FOCAD: variants seen among roughly 807,000 people sequenced by gnomAD.
The protein encoded by FOCAD is focadhesin.
FOCAD carries 198 observed loss-of-function variants against 225.6 expected under a neutral mutation model. The ratio of observed to expected loss-of-function variants is 0.88; its 90% CI spans 0.78 to 0.99. The LOEUF (loss-of-function observed/expected upper bound fraction) is 0.99, where lower values mean the gene tolerates loss of function less well. Among genes scored for constraint, FOCAD ranks in the 50% least tolerant of loss-of-function variants. The pLI, the probability that FOCAD is intolerant of heterozygous loss-of-function variation, is 0.00. For missense variants in FOCAD, 2,713 were observed against 2,123.6 expected, an observed-to-expected ratio of 1.28 and a Z score of -5.46; for synonymous variants, 897 against 755.0, an observed-to-expected ratio of 1.19 and a Z score of -3.08.
At chr9:20,687,403 G>A (rs1192570190) in intron 1 of FOCAD, among the ~76,000 whole-genome samples, 4 of 152,296 alleles carry the variant, frequency 2.6e-5, no homozygotes, top group African/African-American at 9.6e-5. Flanking sequence ...AATTGTGGGT[G>A]TTGTAACTGT....
intron 11 of FOCAD, among the ~76,000 whole-genome samples, chr9:20,815,137 G>GTTTTTTTTTGTTTTTTTTTTTTTT (rs1823565046): frequency 1.4e-5 from 1 of 69,116 alleles, no homozygotes; most frequent in African/African-American, 6.0e-5. Context: ...TTTTTTTTTT[G>GTTTTTTTTTGTTTTTTTTTTTTTT]TTTTTTTTTT....
chr9:20,982,073 C>A (rs1840749153), intron 38 of FOCAD, among the ~76,000 whole-genome samples: 1 of 152,040 alleles, frequency 6.6e-6, no homozygotes, highest in Admixed American at 6.6e-5. Context: ...CCCCAAAAGA[C>A]CTCTGAATTG....
At chr9:20,756,202 A>G (rs559534303) in intron 5 of FOCAD, among the ~76,000 whole-genome samples, 1 of 152,074 alleles carries the variant, frequency 6.6e-6, no homozygotes, top group Non-Finnish European at 1.5e-5. Flanking sequence ...TCCCTTAGCA[A>G]TGGTAGCATT....
chr9:20,911,430 T>C (rs1273306129), intron 22 of FOCAD, among the ~76,000 whole-genome samples: 1 of 152,162 alleles, frequency 6.6e-6, no homozygotes, highest in African/African-American at 2.4e-5. Flanking sequence ...CAAGGACATA[T>C]AACTTTATAG....
chr9:20,925,403 CCACCCCAACA>C (rs1244860918), intron 25 of FOCAD, among the ~76,000 whole-genome samples: 3 of 152,294 alleles, frequency 2.0e-5, no homozygotes, highest in East Asian at 3.9e-4. Flanking sequence ...ACTTTCTCCT[CCACCCCAACA>C]CACCCCAACA....
At chr9:20,846,201 AG>A (rs1827092366) in intron 15 of FOCAD, among the ~76,000 whole-genome samples, 1 of 152,142 alleles carries the variant, frequency 6.6e-6, no homozygotes, top group South Asian at 2.1e-4. Flanking sequence ...TAGGTTTCTG[AG>A]GGCTGAAACT....
chr9:20,808,888 C>T (rs1448922798), intron 11 of FOCAD, among the ~76,000 whole-genome samples: 2 of 152,084 alleles, frequency 1.3e-5, no homozygotes, highest in African/African-American at 2.4e-5. Flanking sequence ...AGTAAAATAA[C>T]ATTTTATTTT....
chr9:20,869,245 A>G (rs543061800), intron 18 of FOCAD, among the ~76,000 whole-genome samples: 13 of 152,150 alleles, frequency 8.5e-5, no homozygotes, highest in Middle Eastern at 3.4e-3. Flanking sequence ...AAGGTTACCT[A>G]TTTTTCCAGT....
chr9:20,944,725 T>A lies in FOCAD; in HGVS notation c.3506T>A (p.Leu1169Gln), dbSNP rs774725502. ...CACGTAGCAGCATTGCTCCGGAAGC[T>A]GTCTGCGCACGTAGATGACAGCGGG... ...RVHVAALLRK[L>Q]SAHVDDSGSQ... The change falls in exon 29 of 44, where the codon CTG becomes CAG. Residue 1169 changes from leucine to glutamine, a missense_variant. By Grantham distance (113) the Leu-to-Gln change is moderately radical. Transcript: ENST00000338382. 6.2e-7 allele frequency: 1 copy of A among 1,614,070 alleles called. No homozygotes were observed. The highest frequency in any genetic ancestry group is 2.2e-5 in the East Asian group (1 of 44,864).
At chr9:20,968,642 A>G (rs1334402756) in intron 35 of FOCAD, among the ~76,000 whole-genome samples, 1 of 151,756 alleles carries the variant, frequency 6.6e-6, no homozygotes, top group Non-Finnish European at 1.5e-5. Context: ...GGGTTTGACC[A>G]TGCTGTCTAG....
intron 6 of FOCAD, among the ~76,000 whole-genome samples, chr9:20,762,521 T>C (rs576665204): frequency 1.3e-4 from 20 of 152,336 alleles, no homozygotes; most frequent in South Asian, 4.1e-4. Flanking sequence ...TTTTACCAAG[T>C]GAATAAATTA....
intron 28 of FOCAD, among the ~76,000 whole-genome samples, chr9:20,936,075 G>A (rs1405896004): frequency 1.3e-5 from 2 of 149,898 alleles, no homozygotes; most frequent in African/African-American, 2.4e-5. Context: ...TTAGGCTTTC[G>A]GAAATACTGA....
intron 39 of FOCAD, among the ~76,000 whole-genome samples, chr9:20,985,879 C>T (rs1031663075): frequency 6.6e-6 from 1 of 152,176 alleles, no homozygotes; most frequent in Non-Finnish European, 1.5e-5. Flanking sequence ...TTTGACCTCA[C>T]AGAACCTCTT....
At chr9:20,872,000 G>C (rs1339735760) in intron 18 of FOCAD, among the ~76,000 whole-genome samples, 2 of 151,672 alleles carry the variant, frequency 1.3e-5, no homozygotes, top group Non-Finnish European at 2.9e-5. Flanking sequence ...AATAATAAGT[G>C]CTAATTTGTC....
intron 11 of FOCAD, among the ~76,000 whole-genome samples, chr9:20,793,772 G>C (rs139089067): frequency 1.2e-4 from 18 of 152,256 alleles, no homozygotes; most frequent in African/African-American, 4.3e-4. Context: ...TGTTGTTGAA[G>C]GGCTGTGAGA....
Position 20,929,458 on chromosome 9 carries a change from A to G in FOCAD, c.3179A>G (p.Glu1060Gly). The G allele has an allele frequency of 6.2e-7, 1 of 1,614,150 alleles. No individual in the cohort carries two copies. The highest frequency in any genetic ancestry group is 8.5e-7 in the Non-Finnish European group (1 of 1,180,032). Residue 1060 changes from glutamate (E) to glycine (G), a missense_variant, in exon 27 of 44, where the codon GAG becomes GGG. Coordinates refer to ENST00000338382, the MANE Select transcript of FOCAD (RefSeq NM_001375567.1). Reference sequence around the variant, plus strand: ...CCAGTTTTCATTATCTCTTGCAAAGAGAAGGTTGAGGAAATCCTGAACATG... The same window carrying G: ...CCAGTTTTCATTATCTCTTGCAAAGGGAAGGTTGAGGAAATCCTGAACATG... ...LVPVFIISCK[E>G]KVEEILNMLT...
At chr9:20,934,941 A>T (rs1414061995) in intron 28 of FOCAD, among the ~76,000 whole-genome samples, 1 of 152,172 alleles carries the variant, frequency 6.6e-6, no homozygotes, top group Non-Finnish European at 1.5e-5. Context: ...CTCTGCAAGG[A>T]AAACTACAAA....
chr9:20,776,349 C>T (rs1433066649), intron 8 of FOCAD, among the ~76,000 whole-genome samples: 1 of 152,122 alleles, frequency 6.6e-6, no homozygotes, highest in Admixed American at 6.5e-5. Context: ...CTGTGCAGAG[C>T]CAGTTACCAC....
rs552611801 is a variant in FOCAD at position 20,798,890 on chromosome 9, C to G, written c.1455+9282C>G. Among the ~76,000 whole-genome samples the G allele has an allele frequency of 2.6e-5, 4 of 152,230 alleles. No individual in the cohort carries two copies. In the East Asian group the frequency reaches 7.7e-4, roughly 29 times the overall value. On this transcript the variant is annotated intron_variant, in intron 11 of 43. Transcript: ENST00000338382. ...CTTAGTTATTTCTTGCCTTTGCTAG[C>G]TTTTGAATGTGTTTGCTCTTGCTTC...
Sources: allele counts gnomAD v4.1 joint callset (sites outside exome capture counted in the v4.1 genomes callset), GRCh38; gene constraint gnomAD v4.1.1; transcripts MANE v1.5; gene names NCBI Gene and HGNC (gene_info 2026-07-23, HGNC 2026-07-21).